MAP4K4: variants seen among roughly 807,000 people sequenced by gnomAD.
The protein encoded by MAP4K4 is mitogen-activated protein kinase kinase kinase kinase 4, also known as HPK/GCK-like kinase HGK.
In MAP4K4, 38 loss-of-function variants were observed where a neutral mutation model predicts 189.6. That is an observed-to-expected ratio of 0.20 (90% confidence interval 0.15 to 0.26). The LOEUF is 0.26. MAP4K4 is among the 10% of genes least tolerant of loss of function. The pLI, the probability that MAP4K4 is intolerant of heterozygous loss-of-function variation, is 1.00. For synonymous variants in MAP4K4, 610 were observed against 624.3 expected (o/e 0.98, Z 0.34); for missense variants, 1,054 against 1,726.9 (o/e 0.61, Z 6.91).
At chr2:101,842,069 G>A (rs2096935086) in intron 10 of MAP4K4, among the ~76,000 whole-genome samples, 1 of 152,130 alleles carries the variant, frequency 6.6e-6, no homozygotes. Flanking sequence ...CCCTGGTTTT[G>A]CCAGGTTTGT....
At chr2:101,771,549 G>A (rs931634073) in intron 2 of MAP4K4, among the ~76,000 whole-genome samples, 3 of 152,110 alleles carry the variant, frequency 2.0e-5, no homozygotes, top group Non-Finnish European at 1.5e-5. Flanking sequence ...GATTTTTCAG[G>A]TTCCTTTTGG....
At chr2:101,890,921 G>T (rs936635600) in intron 32 of MAP4K4, among the ~76,000 whole-genome samples, 1 of 151,574 alleles carries the variant, frequency 6.6e-6, no homozygotes. Flanking sequence ...CCACCACATG[G>T]TATTTTTAGT....
intron 2 of MAP4K4, among the ~76,000 whole-genome samples, chr2:101,760,532 G>GTATATA (rs1378742797): frequency 1.9e-3 from 89 of 46,442 alleles, no homozygotes; most frequent in African/African-American, 7.6e-3. Context: ...ATGTATATAT[G>GTATATA]TGTGTGTGTG....
intron 12 of MAP4K4, among the ~76,000 whole-genome samples, chr2:101,854,696 T>G (rs929551944): frequency 3.3e-5 from 5 of 152,210 alleles, no homozygotes; most frequent in African/African-American, 9.7e-5. Flanking sequence ...ATAATAAATA[T>G]GTACTTTGTG....
At chr2:101,770,796 C>T (rs188764562) in intron 2 of MAP4K4, among the ~76,000 whole-genome samples, 32 of 152,288 alleles carry the variant, frequency 2.1e-4, no homozygotes, top group Admixed American at 1.3e-3. Flanking sequence ...GTGTGGCAGC[C>T]AGCCACAAGA....
chr2:101,748,607 G>A (rs552192583), intron 2 of MAP4K4, among the ~76,000 whole-genome samples: 10 of 152,256 alleles, frequency 6.6e-5, no homozygotes, highest in Middle Eastern at 6.8e-3. Flanking sequence ...CCAGGAGTTC[G>A]AGACTAGCGT....
chr2:101,835,088 G>A (rs1164765598), intron 8 of MAP4K4, among the ~76,000 whole-genome samples: 1 of 152,166 alleles, frequency 6.6e-6, no homozygotes, highest in Non-Finnish European at 1.5e-5. Context: ...AATATTTGTT[G>A]AATGAATGAA....
chr2:101,828,437 A>G (rs2096459154), intron 5 of MAP4K4, among the ~76,000 whole-genome samples: 1 of 152,212 alleles, frequency 6.6e-6, no homozygotes. Context: ...TTCTCTAGTC[A>G]GTGCTTTGCG....
chr2:101,773,023 T>G (rs753969429), intron 2 of MAP4K4, among the ~76,000 whole-genome samples: 27 of 152,234 alleles, frequency 1.8e-4, no homozygotes, highest in Non-Finnish European at 3.7e-4. Context: ...CACATTGGTG[T>G]AGGGTAGTGC....
At chr2:101,883,816 C>G (rs758873365) in intron 28 of MAP4K4, among the ~76,000 whole-genome samples, 2 of 152,104 alleles carry the variant, frequency 1.3e-5, no homozygotes, top group East Asian at 1.9e-4. Context: ...CCCCTCAGCT[C>G]GTGGGTTAAT....
chr2:101,698,151 C>G lies in MAP4K4; in HGVS notation c.57+14C>G. 1 of 1,199,360 alleles carries G rather than the reference C, an allele frequency of 8.3e-7. No individual in the cohort carries two copies. The highest frequency in any genetic ancestry group is 1.1e-6 in the Non-Finnish European group (1 of 932,050). 74.3% of individuals were successfully genotyped at this position (1,199,360 alleles called of 1,614,324 possible). ...TCCTCCCTGCGGGTGAGTGGGCCCG[C>G]GAGCGGGCGCGCGGGGAGCGGGCAG... is the stretch of plus-strand genomic sequence containing the variant. On this transcript the variant is annotated intron_variant, in intron 1 of 32. Transcript: ENST00000324219.
chr2:101,871,826 A>T, intron 24 of MAP4K4, 141 bp downstream of exon 24: 4 of 714,104 alleles, frequency 5.6e-6, no homozygotes, highest in South Asian at 4.1e-5. Flanking sequence ...CTTCTCCCCA[A>T]CCCCAAGTAA....
chr2:101,805,932 C>G (rs551187347), intron 3 of MAP4K4, among the ~76,000 whole-genome samples: 1 of 152,258 alleles, frequency 6.6e-6, no homozygotes, highest in African/African-American at 2.4e-5. Context: ...ACCGACTTTG[C>G]TACACTTGCA....
intron 6 of MAP4K4, 155 bp downstream of exon 6, chr2:101,829,749 C>CTT: frequency 1.7e-6 from 1 of 585,772 alleles, no homozygotes; most frequent in Admixed American, 2.7e-5. Flanking sequence ...TATTACTTAG[C>CTT]TTGGCTCCAG....
intron 2 of MAP4K4, among the ~76,000 whole-genome samples, chr2:101,777,175 A>G (rs1205970793): frequency 6.6e-6 from 1 of 152,196 alleles, no homozygotes; most frequent in Non-Finnish European, 1.5e-5. Context: ...ATCTTGTAGC[A>G]TTTTTAAGCG....
intron 2 of MAP4K4, among the ~76,000 whole-genome samples, chr2:101,754,676 T>A (rs1275064597): frequency 2.0e-5 from 3 of 152,208 alleles, no homozygotes; most frequent in Admixed American, 1.3e-4. Context: ...ATTGTTGATG[T>A]AAGTTTTCAT....
intron 2 of MAP4K4, among the ~76,000 whole-genome samples, chr2:101,762,384 T>C (rs1328390918): frequency 6.6e-6 from 1 of 152,178 alleles, no homozygotes; most frequent in Non-Finnish European, 1.5e-5. Flanking sequence ...TGCATCCTTG[T>C]CCCCCTGGGC....
chr2:101,817,173 T>C (rs1255255864), intron 3 of MAP4K4, among the ~76,000 whole-genome samples: 1 of 152,130 alleles, frequency 6.6e-6, no homozygotes, highest in African/African-American at 2.4e-5. Flanking sequence ...CTTGTACCCA[T>C]GGTATTTTGT....
chr2:101,797,889 G>GTTTTTTTTTT lies in MAP4K4; in HGVS notation c.180+7125_180+7134dup, dbSNP rs58201235. On this transcript the variant is annotated intron_variant, in intron 3 of 32. Coordinates refer to ENST00000324219, the Ensembl canonical transcript of MAP4K4. The stretch of plus-strand genomic sequence containing the variant: ...TGAAGCTTTTTAAAACATTCTTTTA[G>GTTTTTTTTTT]TTTTTTTTTTTTTTTTTTTTTGGAG... Among the ~76,000 whole-genome samples the GTTTTTTTTTT allele has an allele frequency of 2.6e-3, 137 of 52,282 alleles. 1 individual carries two copies. Among genetic ancestry groups the GTTTTTTTTTT allele is most frequent in the Middle Eastern group, 0.031 (2 of 64 alleles). 34.3% of individuals were successfully genotyped at this position (52,282 alleles called of 152,430 possible).
Sources: allele counts gnomAD v4.1 joint callset (sites outside exome capture counted in the v4.1 genomes callset), GRCh38; gene constraint gnomAD v4.1.1; transcripts MANE v1.5; gene names NCBI Gene and HGNC (gene_info 2026-07-23, HGNC 2026-07-21).